PDE4D: variants seen among roughly 807,000 people sequenced by gnomAD.
The protein encoded by PDE4D is 3',5'-cyclic-AMP phosphodiesterase 4D.
In PDE4D, 24 loss-of-function variants were observed where a neutral mutation model predicts 87.4. That is an observed-to-expected ratio of 0.27 (90% CI 0.20 to 0.39). The LOEUF is 0.39. PDE4D is among the 10% of genes least tolerant of loss of function. PDE4D has a pLI of 1.00. For synonymous variants in PDE4D, 384 were observed against 383.2 expected, an observed-to-expected ratio of 1.00 and a Z score of -0.02; for missense variants, 714 against 1,041.0, an observed-to-expected ratio of 0.69 and a Z score of 4.32.
intron 3 of PDE4D, among the ~76,000 whole-genome samples, chr5:59,949,771 T>C (rs942611665): frequency 9.2e-5 from 14 of 152,218 alleles, no homozygotes; most frequent in Non-Finnish European, 1.9e-4. Context: ...AGCAAATCTG[T>C]TTCTGTATAG....
At chr5:59,131,723 G>T (rs1266198586) in intron 5 of PDE4D, among the ~76,000 whole-genome samples, 2 of 151,520 alleles carry the variant, frequency 1.3e-5, no homozygotes, top group Non-Finnish European at 2.9e-5. Context: ...AAAGTATATA[G>T]AATGTGGAAA....
At chr5:59,642,736 T>G (rs755756349) in intron 1 of PDE4D, among the ~76,000 whole-genome samples, 4 of 152,166 alleles carry the variant, frequency 2.6e-5, no homozygotes, top group African/African-American at 4.8e-5. Context: ...GACTAACACA[T>G]GCACTAAGAA....
At chr5:60,317,863 T>C (rs1299769796) in intron 1 of PDE4D, among the ~76,000 whole-genome samples, 4 of 152,236 alleles carry the variant, frequency 2.6e-5, no homozygotes, top group Non-Finnish European at 4.4e-5. Context: ...CAGTTTGTTA[T>C]AATTTCTGTT....
chr5:60,227,709 A>G (rs1315567426), intron 1 of PDE4D, among the ~76,000 whole-genome samples: 1 of 152,064 alleles, frequency 6.6e-6, no homozygotes, highest in Non-Finnish European at 1.5e-5. Context: ...TAGTCTTTGC[A>G]CATTCACTCT....
At chr5:60,186,389 C>T (rs1300709581) in intron 1 of PDE4D, among the ~76,000 whole-genome samples, 1 of 152,132 alleles carries the variant, frequency 6.6e-6, no homozygotes, top group Non-Finnish European at 1.5e-5. Flanking sequence ...TTGCTTTCTC[C>T]TAGACACTAC....
intron 1 of PDE4D, among the ~76,000 whole-genome samples, chr5:60,256,644 A>C (rs1470764228): frequency 1.3e-5 from 2 of 151,914 alleles, no homozygotes. Context: ...TCCTACCTTA[A>C]GGAAATAATA....
chr5:60,135,460 C>T (rs745868815), intron 2 of PDE4D, among the ~76,000 whole-genome samples: 9 of 151,882 alleles, frequency 5.9e-5, no homozygotes, highest in Non-Finnish European at 1.3e-4. Flanking sequence ...GGAAGACTAA[C>T]GTGCAAGATG....
intron 3 of PDE4D, among the ~76,000 whole-genome samples, chr5:59,985,935 C>A (rs1352077933): frequency 6.6e-6 from 1 of 152,184 alleles, no homozygotes; most frequent in African/African-American, 2.4e-5. Context: ...CAGTTCAAAC[C>A]TGTATTGTTC....
chr5:59,601,138 G>T (rs917300713), intron 1 of PDE4D, among the ~76,000 whole-genome samples: 3 of 152,136 alleles, frequency 2.0e-5, no homozygotes, highest in African/African-American at 7.2e-5. Flanking sequence ...TGACTAATTT[G>T]TGACAATGAT....
intron 2 of PDE4D, among the ~76,000 whole-genome samples, chr5:60,023,214 C>T (rs770225924): frequency 2.6e-5 from 4 of 152,200 alleles, no homozygotes; most frequent in African/African-American, 4.8e-5. Flanking sequence ...GAACTCTCCA[C>T]GGTGCATAAT....
chr5:60,376,397 C>T (rs559922671), intron 1 of PDE4D, among the ~76,000 whole-genome samples: 2 of 152,192 alleles, frequency 1.3e-5, no homozygotes, highest in East Asian at 1.9e-4. Flanking sequence ...AACATTGTGG[C>T]CCCAGAGCTC....
At chr5:59,275,317 C>G (rs1438168812) in intron 1 of PDE4D, 2 of 1,577,556 alleles carry the variant, frequency 1.3e-6, no homozygotes, top group Non-Finnish European at 1.7e-6. Flanking sequence ...AGGGGAAAAG[C>G]ATGAGAGAAA....
chr5:60,282,753 T>C (rs574043405), intron 1 of PDE4D, among the ~76,000 whole-genome samples: 78 of 152,262 alleles, frequency 5.1e-4, no homozygotes, highest in Admixed American at 2.4e-3. Flanking sequence ...GCATATGCTT[T>C]TGGAGGCTGC....
intron 1 of PDE4D, among the ~76,000 whole-genome samples, chr5:60,337,895 G>T (rs944345549): frequency 3.3e-5 from 5 of 151,390 alleles, no homozygotes; most frequent in Non-Finnish European, 7.4e-5. Flanking sequence ...ATTCCTCATG[G>T]GCTAGTAGGC....
intron 5 of PDE4D, among the ~76,000 whole-genome samples, chr5:59,059,948 T>A (rs1441664954): frequency 1.3e-5 from 2 of 152,306 alleles, no homozygotes; most frequent in Non-Finnish European, 1.5e-5. Context: ...TGTAAGCATG[T>A]GACTGCCCAA....
chr5:60,322,045 C>A (rs945281857), intron 1 of PDE4D, among the ~76,000 whole-genome samples: 1 of 151,904 alleles, frequency 6.6e-6, no homozygotes, highest in Non-Finnish European at 1.5e-5. Flanking sequence ...CCAGCAACCC[C>A]ATTATTGGGT....
intron 1 of PDE4D, among the ~76,000 whole-genome samples, chr5:60,213,333 C>T (rs1402323074): frequency 2.6e-5 from 4 of 152,054 alleles, no homozygotes; most frequent in Non-Finnish European, 4.4e-5. Context: ...CAGCAATGGC[C>T]CTGTGTGGAG....
At chr5:59,208,625 AT>A (rs35530997) in intron 2 of PDE4D, among the ~76,000 whole-genome samples, 33,338 of 152,024 alleles carry the variant, frequency 0.22, 4,170 homozygotes, top group East Asian at 0.56. Context: ...CATTTTTATG[AT>A]TTTTTTGAAA....
At chr5:60,270,593 G>A (rs1418507759) in intron 1 of PDE4D, among the ~76,000 whole-genome samples, 1 of 151,918 alleles carries the variant, frequency 6.6e-6, no homozygotes, top group Non-Finnish European at 1.5e-5. Context: ...AGACCTATGG[G>A]AAAAAGAAAA....
Sources: gnomAD v4.1 joint callset for allele counts (sites outside exome capture counted in the v4.1 genomes callset) on GRCh38, gnomAD v4.1.1 for gene constraint, MANE v1.5 for transcripts, NCBI Gene and HGNC (gene_info 2026-07-23, HGNC 2026-07-21) for gene names.